The following BICRAL variants were observed in gnomAD, a reference collection of about 807,000 sequenced individuals.
BICRAL encodes the protein BICRA like chromatin remodeling complex associated protein, also known as BRD4-interacting chromatin-remodeling complex-associated protein-like.
Under a neutral mutation model 91.8 loss-of-function variants are expected in BICRAL, and 8 were observed. That is an observed-to-expected ratio of 0.09 (90% CI 0.05 to 0.16). The LOEUF is 0.16. Ranked by LOEUF, BICRAL falls within the 10% of genes least tolerant of loss-of-function variation. BICRAL has a pLI of 1.00. For synonymous variants in BICRAL, 445 were observed against 491.1 expected (o/e 0.91, Z 1.24); for missense variants, 1,038 against 1,310.9 (o/e 0.79, Z 3.21).
chr6:42,817,399 TTTAAA>T (rs1423647986), intron 2 of BICRAL, among the ~76,000 whole-genome samples: 3 of 152,158 alleles, frequency 2.0e-5, no homozygotes, highest in African/African-American at 7.2e-5. Flanking sequence ...AAGAGAGTTT[TTTAAA>T]TTAAGATATA....
chr6:42,847,896 G>C (rs185873941), intron 6 of BICRAL, among the ~76,000 whole-genome samples: 2 of 152,146 alleles, frequency 1.3e-5, no homozygotes, highest in Middle Eastern at 3.2e-3. Context: ...TTGGAAGGCC[G>C]AGGCGGGCGG....
At chr6:42,792,449 T>A (rs1401318918) in intron 1 of BICRAL, among the ~76,000 whole-genome samples, 1 of 150,916 alleles carries the variant, frequency 6.6e-6, no homozygotes, top group Non-Finnish European at 1.5e-5. Flanking sequence ...TTTTTTTTTT[T>A]AAATGTAGAG....
chr6:42,804,725 A>G (rs753250732), intron 1 of BICRAL, among the ~76,000 whole-genome samples: 1 of 152,212 alleles, frequency 6.6e-6, no homozygotes, highest in Non-Finnish European at 1.5e-5. Context: ...GCTAGTGCCT[A>G]TTGTAATGAG....
rs150566814 is a variant in BICRAL, at chr6:42,844,583, C to G, written c.1840-7509C>G. On this transcript the variant is annotated intron_variant, in intron 6 of 12. Coordinates refer to ENST00000314073, the MANE Select transcript of BICRAL (RefSeq NM_001393499.1). Reference sequence around the variant, plus strand: ...GAAAGAAGATCCACAGAGTGATGCACACTGAGAAGGAAGGTAAGGAGTGGG... The same window carrying G: ...GAAAGAAGATCCACAGAGTGATGCAGACTGAGAAGGAAGGTAAGGAGTGGG... 5.4e-3 allele frequency among the ~76,000 whole-genome samples: 706 copies of G among 131,630 alleles called. 27 individuals carry two copies. The highest frequency in any genetic ancestry group is 0.019 in the African/African-American group (684 of 35,586). 86.4% of individuals were successfully genotyped at this position (131,630 alleles called of 152,430 possible).
At chr6:42,783,599 G>GC (rs1763006132) in intron 1 of BICRAL, among the ~76,000 whole-genome samples, 1 of 152,208 alleles carries the variant, frequency 6.6e-6, no homozygotes, top group Admixed American at 6.5e-5. Context: ...GGAGCCGAGA[G>GC]CAGGGTGCTG....
Position 42,866,189 on chromosome 6 carries a change from T to C in BICRAL, c.*743T>C. The C allele has an allele frequency of 6.6e-6, 1 of 152,584 alleles. No homozygotes were observed. The highest frequency in any genetic ancestry group is 6.5e-5 in the Admixed American group (1 of 15,300). 9.5% of individuals were successfully genotyped at this position (152,584 alleles called of 1,614,324 possible). On this transcript the variant is annotated 3_prime_UTR_variant, in exon 13 of 13. Coordinates refer to ENST00000314073, the MANE Select transcript of BICRAL (RefSeq NM_001393499.1). ...TGAATTTCACCTAGGGAATGTTCTG[T>C]TCTTAGTTACAGCAGCAAAATTTGA...
chr6:42,868,519 G>T lies in BICRAL; in HGVS notation c.*3073G>T, dbSNP rs1168841529. The T allele has an allele frequency of 6.6e-6, 1 of 152,536 alleles. No individual in the cohort carries two copies. The highest frequency in any genetic ancestry group is 1.9e-4 in the East Asian group (1 of 5,194). 9.4% of individuals were successfully genotyped at this position (152,536 alleles called of 1,614,324 possible). ...AATGTTTAGTTGGAGATTACAAATT[G>T]AAACAACCATTGCAATACAGCCAAA... On this transcript the variant is annotated 3_prime_UTR_variant, in exon 13 of 13. Coordinates refer to ENST00000314073, the MANE Select transcript of BICRAL (RefSeq NM_001393499.1).
Position 42,776,146 on chromosome 6 carries a change from C to T in BICRAL, c.-260-5693C>T, listed in dbSNP as rs1050247850. On this transcript the variant is annotated intron_variant, in intron 1 of 14. Coordinates refer to the BICRAL transcript ENST00000614467. ...AAGCAATTCTCCTGCCTCAGCCTCC[C>T]GAGTAGCTGGGATTACAGGCACCCG... is the stretch of plus-strand genomic sequence containing the variant. Among the ~76,000 whole-genome samples the T allele has an allele frequency of 1.5e-4, 23 of 152,068 alleles. 1 individual carries two copies. Among genetic ancestry groups the T allele is most frequent in the East Asian group, 1.4e-3 (7 of 5,164 alleles).
At chr6:42,818,908 T>C (rs1209158441) in intron 2 of BICRAL, among the ~76,000 whole-genome samples, 2 of 152,248 alleles carry the variant, frequency 1.3e-5, no homozygotes, top group Non-Finnish European at 2.9e-5. Context: ...ATATTAGCTT[T>C]AATTTTTTAA....
chr6:42,825,259 CAAAAAAAA>C (rs398001338), intron 5 of BICRAL, among the ~76,000 whole-genome samples: 4 of 52,780 alleles, frequency 7.6e-5, no homozygotes, highest in African/African-American at 2.6e-4. Context: ...GACTCTGTCT[CAAAAAAAA>C]AAAAAAAAAA....
chr6:42,760,915 G>A (rs1762533285), intron 1 of BICRAL, among the ~76,000 whole-genome samples: 2 of 152,086 alleles, frequency 1.3e-5, no homozygotes, highest in Admixed American at 1.3e-4. Context: ...CCAGCTACTT[G>A]GGAGGCTGAG....
intron 1 of BICRAL, among the ~76,000 whole-genome samples, chr6:42,810,004 C>G (rs1763810795): frequency 6.6e-6 from 1 of 152,112 alleles, no homozygotes. Flanking sequence ...CCAGACTTGT[C>G]TCGAACTCCT....
chr6:42,781,928 C>CCG (rs1562457529), upstream of BICRAL: 5 of 2,130 alleles, frequency 2.3e-3, no homozygotes, highest in Non-Finnish European at 5.6e-3. Flanking sequence ...GGAGCGGCGC[C>CCG]CCGGCCCGGC....
intron 1 of BICRAL, among the ~76,000 whole-genome samples, chr6:42,789,421 G>A (rs1763202789): frequency 6.6e-6 from 1 of 152,006 alleles, no homozygotes; most frequent in Non-Finnish European, 1.5e-5. Flanking sequence ...CAGGCAAATC[G>A]TTTGAGGCCA....
intron 1 of BICRAL, among the ~76,000 whole-genome samples, chr6:42,756,377 C>A (rs541559453): frequency 2.0e-5 from 3 of 152,104 alleles, no homozygotes; most frequent in Admixed American, 2.0e-4. Flanking sequence ...GTGTCCATCC[C>A]TTAAATATAA....
chr6:42,859,586 T>C (rs773277948), intron 10 of BICRAL, among the ~76,000 whole-genome samples: 2 of 152,114 alleles, frequency 1.3e-5, no homozygotes, highest in Non-Finnish European at 2.9e-5. Context: ...ATTTTAGTTT[T>C]TCATACCATT....
chr6:42,855,520 C>T (rs759161829), intron 8 of BICRAL, among the ~76,000 whole-genome samples: 11 of 151,680 alleles, frequency 7.3e-5, no homozygotes, highest in Non-Finnish European at 8.8e-5. Context: ...CCAGCCTGGA[C>T]GACAGAGCAC....
chr6:42,807,676 C>T (rs765398009), intron 1 of BICRAL, among the ~76,000 whole-genome samples: 2 of 151,304 alleles, frequency 1.3e-5, no homozygotes, highest in African/African-American at 2.4e-5. Flanking sequence ...CGTGGTGGCG[C>T]GTGCTTGTAG....
At chr6:42,810,783 A>G (rs973653886) in intron 2 of BICRAL, among the ~76,000 whole-genome samples, 1 of 152,226 alleles carries the variant, frequency 6.6e-6, no homozygotes, top group Non-Finnish European at 1.5e-5. Context: ...GTGTTTGTTA[A>G]ATGAATAATG....
Sources: allele counts gnomAD v4.1 joint callset (sites outside exome capture counted in the v4.1 genomes callset), GRCh38; gene constraint gnomAD v4.1.1; transcripts MANE v1.5; gene names NCBI Gene and HGNC (gene_info 2026-07-23, HGNC 2026-07-21).